The following OCA2 variants were observed in gnomAD, a reference collection of about 807,000 sequenced individuals.
OCA2 encodes the protein P protein.
In OCA2, 77 loss-of-function variants were observed where a neutral mutation model predicts 100.2. That is an observed-to-expected ratio of 0.77 (90% CI 0.64 to 0.93). OCA2 has a LOEUF of 0.93. Ranked by LOEUF, OCA2 falls within the 40% of genes least tolerant of loss-of-function variation. The pLI is 0.00. For synonymous variants in OCA2, 432 were observed against 439.2 expected (o/e 0.98, Z 0.21); for missense variants, 1,062 against 1,089.1 (o/e 0.98, Z 0.35).
chr15:28,039,249 A>C (rs2043133480), intron 2 of OCA2, among the ~76,000 whole-genome samples: 1 of 152,222 alleles, frequency 6.6e-6, no homozygotes. Flanking sequence ...ATAGCCAGAC[A>C]GAAGATCAAT....
chr15:27,776,813 T>C (rs1190590867), intron 23 of OCA2: 1 of 152,286 alleles, frequency 6.6e-6, no homozygotes, highest in Admixed American at 6.5e-5. Flanking sequence ...AGAGGTCTCC[T>C]CTGCACCCTC....
At chr15:27,900,739 C>T (rs866788214) in intron 19 of OCA2, among the ~76,000 whole-genome samples, 1 of 152,202 alleles carries the variant, frequency 6.6e-6, no homozygotes, top group Non-Finnish European at 1.5e-5. Context: ...GTTGCTGCTT[C>T]CTCATGCTGG....
At chr15:27,757,758 CAT>C (rs2150980114) in intron 23 of OCA2, among the ~76,000 whole-genome samples, 1 of 152,290 alleles carries the variant, frequency 6.6e-6, no homozygotes, top group African/African-American at 2.4e-5. Context: ...ACAGTGGCCA[CAT>C]AATGAGCCCT....
chr15:27,900,539 G>A (rs1014653669), intron 19 of OCA2, among the ~76,000 whole-genome samples: 1 of 152,116 alleles, frequency 6.6e-6, no homozygotes, highest in African/African-American at 2.4e-5. Context: ...TTTGCTATGT[G>A]TCTCTTGTTT....
the OCA2 span, among the ~76,000 whole-genome samples, chr15:27,735,131 G>C: frequency 2.0e-5 from 3 of 152,010 alleles, no homozygotes; most frequent in Non-Finnish European, 4.4e-5. Context: ...AAAATATTAA[G>C]TGGCCAGAAT....
intron 18 of OCA2, among the ~76,000 whole-genome samples, chr15:27,939,603 TA>T (rs1466535994): frequency 6.6e-6 from 1 of 152,232 alleles, no homozygotes; most frequent in African/African-American, 2.4e-5. Context: ...GAAATAATGC[TA>T]AATGCAGTTA....
intron 9 of OCA2, among the ~76,000 whole-genome samples, chr15:28,009,717 C>CACAA: frequency 6.6e-6 from 1 of 151,454 alleles, no homozygotes; most frequent in East Asian, 1.9e-4. Context: ...CACACACACA[C>CACAA]ACACACACAC....
chr15:27,744,836 A>AT, the OCA2 span, among the ~76,000 whole-genome samples: 1 of 152,140 alleles, frequency 6.6e-6, no homozygotes, highest in Admixed American at 6.5e-5. Context: ...TGGAAAACTA[A>AT]TTCAGGCCAT....
chr15:27,832,676 A>G (rs2035006616), intron 23 of OCA2, among the ~76,000 whole-genome samples: 1 of 152,196 alleles, frequency 6.6e-6, no homozygotes, highest in African/African-American at 2.4e-5. Context: ...TGAGTCTCCA[A>G]GTTCAGCACA....
At chr15:27,884,104 A>C (rs2037129445) in intron 19 of OCA2, among the ~76,000 whole-genome samples, 2 of 152,374 alleles carry the variant, frequency 1.3e-5, no homozygotes, top group Admixed American at 1.3e-4. Flanking sequence ...AAAATGTGCC[A>C]GGCGTGGTGA....
chr15:27,910,644 G>A (rs901502685), intron 19 of OCA2, among the ~76,000 whole-genome samples: 2 of 146,480 alleles, frequency 1.4e-5, no homozygotes, highest in Admixed American at 7.0e-5. Context: ...ACAGTTGTAT[G>A]TGCTTATTTA....
chr15:28,074,832 G>A (rs2044382042), intron 2 of OCA2, among the ~76,000 whole-genome samples: 1 of 152,200 alleles, frequency 6.6e-6, no homozygotes, highest in African/African-American at 2.4e-5. Context: ...GGCACAGAGC[G>A]AGACTCCGTC....
chr15:27,730,975 TA>T, the OCA2 span, among the ~76,000 whole-genome samples: 1 of 151,738 alleles, frequency 6.6e-6, no homozygotes, highest in African/African-American at 2.4e-5. Context: ...CTAAGTGAGT[TA>T]AAAATTTTTT....
chr15:28,014,678 T>C, intron 9 of OCA2, 98 bp downstream of exon 9: 6 of 1,327,756 alleles, frequency 4.5e-6, no homozygotes. Flanking sequence ...CCAGTTTGAT[T>C]AAGGAGTCAG....
chr15:27,983,405 G>A lies in OCA2; in HGVS notation c.1443C>T (p.Ala481=), dbSNP rs1160119209. 5.6e-6 allele frequency: 9 copies of A among 1,614,048 alleles called. No individual in the cohort carries two copies. Among genetic ancestry groups the A allele is most frequent in the African/African-American group, 1.3e-5 (1 of 74,920 alleles). Residue 481 remains alanine (A), a synonymous_variant, in exon 14 of 24, where the codon GCC becomes GCT. Transcript: ENST00000354638. The part of the protein sequence containing the change: ...EVIFTNIGGA[A]TAIGDPPNVI... ...CATTTGGAGGGTCCCCGATGGCAGT[G>A]GCAGCTCCTCCAATGTTTGTGAAGA...
chr15:28,093,856 G>C (rs2044916858), intron 1 of OCA2, among the ~76,000 whole-genome samples: 1 of 152,156 alleles, frequency 6.6e-6, no homozygotes, highest in Admixed American at 6.5e-5. Flanking sequence ...TATTTACTCT[G>C]ATTCCATGAC....
intron 9 of OCA2, among the ~76,000 whole-genome samples, chr15:28,010,826 G>T (rs2141196707): frequency 6.6e-6 from 1 of 152,270 alleles, no homozygotes; most frequent in Admixed American, 6.5e-5. Context: ...AAAGCTGGAG[G>T]ACAAAGAGGG....
At chr15:27,936,819 T>G (rs941064365) in intron 18 of OCA2, among the ~76,000 whole-genome samples, 7 of 152,196 alleles carry the variant, frequency 4.6e-5, no homozygotes, top group Non-Finnish European at 8.8e-5. Context: ...ATGGCTTCCA[T>G]TCAACACCTG....
rs1204744192 is a variant in OCA2, at chr15:28,018,455, A to G, written c.749T>C (p.Ile250Thr). 1 of 1,613,916 alleles carries G rather than the reference A, an allele frequency of 6.2e-7. No homozygotes were observed. The highest frequency in any genetic ancestry group is 8.5e-7 in the Non-Finnish European group (1 of 1,180,004). ...GPSRPGREEHIVVELTQADAL... is the reference protein window; with the variant it reads ...GPSRPGREEHTVVELTQADAL... Reference sequence around the variant, plus strand: ...GTCAGCCTGGGTCAGCTCCACCACGATGTGCTCTTCCCTCCCAGGACGACT... The same window carrying G: ...GTCAGCCTGGGTCAGCTCCACCACGGTGTGCTCTTCCCTCCCAGGACGACT... Residue 250 changes from isoleucine to threonine, a missense_variant, in exon 7 of 24, where the codon ATC (isoleucine) becomes ACC (threonine). Transcript: ENST00000354638.
Sources: allele counts gnomAD v4.1 joint callset (sites outside exome capture counted in the v4.1 genomes callset), GRCh38; gene constraint gnomAD v4.1.1; transcripts MANE v1.5; gene names NCBI Gene and HGNC (gene_info 2026-07-23, HGNC 2026-07-21).